The following CSMD1 variants were observed in gnomAD, a reference collection of about 807,000 sequenced individuals.
The protein encoded by CSMD1 is CUB and Sushi multiple domains 1, also known as CUB and sushi domain-containing protein 1.
CSMD1 carries 213 observed loss-of-function variants against 417.5 expected under a neutral mutation model. That is an observed-to-expected ratio of 0.51 (90% confidence interval 0.46 to 0.57). The LOEUF (loss-of-function observed/expected upper bound fraction) is 0.57. Among genes scored for constraint, CSMD1 ranks in the 20% least tolerant of loss-of-function variants. CSMD1 has a pLI of 0.00. For missense variants in CSMD1, 6,923 were observed against 4,529.7 expected (o/e 1.53, Z -15.17); for synonymous variants, 2,862 against 1,736.8 (o/e 1.65, Z -16.11).
intron 26 of CSMD1, among the ~76,000 whole-genome samples, chr8:3,233,830 C>A (rs890669414): frequency 1.3e-5 from 2 of 151,388 alleles, no homozygotes; most frequent in Admixed American, 1.3e-4. Flanking sequence ...CATTAGATTA[C>A]AGGATCTGCC....
chr8:3,864,404 G>C (rs953389790), intron 5 of CSMD1, among the ~76,000 whole-genome samples: 2 of 152,128 alleles, frequency 1.3e-5, no homozygotes, highest in African/African-American at 4.8e-5. Flanking sequence ...CAAAGATGAA[G>C]GTGAGAAAAA....
chr8:4,956,295 A>C (rs1809106532), intron 1 of CSMD1, among the ~76,000 whole-genome samples: 1 of 151,916 alleles, frequency 6.6e-6, no homozygotes, highest in Admixed American at 6.6e-5. Flanking sequence ...TCATAATTTT[A>C]AAACATTTAA....
Position 3,376,117 on chromosome 8 carries a change from T to C in CSMD1, c.2783-6747A>G, listed in dbSNP as rs555258633. Among the ~76,000 whole-genome samples the C allele has an allele frequency of 2.1e-4, 32 of 152,280 alleles. 1 individual carries two copies. The highest frequency in any genetic ancestry group is 2.0e-4 in the Admixed American group (3 of 15,284). On this transcript the variant is annotated intron_variant, in intron 18 of 69. Transcript: ENST00000635120. ...TGATAGATTTTAAACTTCTGTGTGA[T>C]TGCAAATACAGCAGGTTCTCAATAA...
At chr8:4,557,300 A>C (rs1302156694) in intron 2 of CSMD1, among the ~76,000 whole-genome samples, 1 of 152,194 alleles carries the variant, frequency 6.6e-6, no homozygotes, top group African/African-American at 2.4e-5. Context: ...TTTCTATCAA[A>C]GAAAATCACT....
chr8:3,732,456 T>A (rs1564551), intron 6 of CSMD1, among the ~76,000 whole-genome samples: 2 of 151,882 alleles, frequency 1.3e-5, no homozygotes, highest in Non-Finnish European at 2.9e-5. Flanking sequence ...TCCTTAGGAA[T>A]AGTAATTTAA....
chr8:4,375,504 G>A lies in CSMD1; in HGVS notation c.415+44449C>T, dbSNP rs772797456. 5.3e-5 allele frequency among the ~76,000 whole-genome samples: 8 copies of A among 152,260 alleles called. No homozygotes were observed. The East Asian group carries it at 1.4e-3, about 26-fold the overall frequency. On this transcript the variant is annotated intron_variant, in intron 3 of 69. Coordinates refer to ENST00000635120, the MANE Select transcript of CSMD1 (RefSeq NM_033225.6). The stretch of plus-strand genomic sequence containing the variant: ...CTTATGGAGTCTCCTTGATGGGCAA[G>A]TGACATCAGAAGAATTTTTTTTTCC...
chr8:3,224,352 C>A (rs1798377904), intron 27 of CSMD1, among the ~76,000 whole-genome samples: 1 of 152,188 alleles, frequency 6.6e-6, no homozygotes, highest in South Asian at 2.1e-4. Flanking sequence ...GTACAGGGAT[C>A]ATCTAGCTCC....
At chr8:4,080,956 G>C (rs1800097643) in intron 3 of CSMD1, among the ~76,000 whole-genome samples, 1 of 152,106 alleles carries the variant, frequency 6.6e-6, no homozygotes, top group Non-Finnish European at 1.5e-5. Flanking sequence ...CTACCCTCCT[G>C]AATCAAATTA....
At chr8:4,727,235 C>G (rs144439488) in intron 1 of CSMD1, among the ~76,000 whole-genome samples, 2 of 152,134 alleles carry the variant, frequency 1.3e-5, no homozygotes, top group Non-Finnish European at 2.9e-5. Flanking sequence ...GCAGGGCACC[C>G]AAGCATTTCT....
intron 3 of CSMD1, among the ~76,000 whole-genome samples, chr8:4,351,820 C>T (rs978323087): frequency 1.3e-5 from 2 of 152,104 alleles, no homozygotes; most frequent in Non-Finnish European, 2.9e-5. Context: ...AGGAGCAGAG[C>T]AACACACCAG....
At chr8:4,076,954 C>T (rs1185739202) in intron 3 of CSMD1, among the ~76,000 whole-genome samples, 3 of 152,146 alleles carry the variant, frequency 2.0e-5, no homozygotes, top group African/African-American at 7.2e-5. Flanking sequence ...ACAAGGATAA[C>T]ACTTTCCTCT....
At chr8:4,320,785 C>T (rs1326362948) in intron 3 of CSMD1, among the ~76,000 whole-genome samples, 4 of 152,108 alleles carry the variant, frequency 2.6e-5, no homozygotes, top group Admixed American at 6.6e-5. Flanking sequence ...GGTGATTCCT[C>T]AAGGATCTAG....
intron 5 of CSMD1, among the ~76,000 whole-genome samples, chr8:3,989,236 G>A (rs1814561099): frequency 6.6e-6 from 1 of 152,264 alleles, no homozygotes; most frequent in Non-Finnish European, 1.5e-5. Context: ...ACAGTGATCT[G>A]GGACTTCCAG....
At chr8:4,346,559 A>G (rs986688175) in intron 3 of CSMD1, among the ~76,000 whole-genome samples, 1 of 152,122 alleles carries the variant, frequency 6.6e-6, no homozygotes, top group Non-Finnish European at 1.5e-5. Context: ...TTTGGGCTTG[A>G]GCGTGCTTTT....
chr8:3,617,411 C>T (rs942893977), intron 7 of CSMD1, among the ~76,000 whole-genome samples: 1 of 152,162 alleles, frequency 6.6e-6, no homozygotes, highest in Non-Finnish European at 1.5e-5. Context: ...GATAGAGTAG[C>T]TCTCACTTCA....
chr8:4,052,657 G>A (rs1357322486), intron 3 of CSMD1, among the ~76,000 whole-genome samples: 1 of 152,086 alleles, frequency 6.6e-6, no homozygotes, highest in East Asian at 1.9e-4. Context: ...AAAGAATTCT[G>A]ATAGAAGGAA....
intron 18 of CSMD1, among the ~76,000 whole-genome samples, chr8:3,386,621 A>G: frequency 6.6e-6 from 1 of 152,188 alleles, no homozygotes; most frequent in East Asian, 1.9e-4. Context: ...ATCATGTTTG[A>G]AAGGAAATAC....
chr8:3,765,073 T>C (rs1424899977), intron 5 of CSMD1, among the ~76,000 whole-genome samples: 3 of 152,176 alleles, frequency 2.0e-5, no homozygotes, highest in African/African-American at 7.2e-5. Flanking sequence ...AAAATATTTT[T>C]CATAGCTTTC....
intron 26 of CSMD1, among the ~76,000 whole-genome samples, chr8:3,249,179 C>T (rs1182627714): frequency 2.0e-5 from 3 of 152,054 alleles, no homozygotes; most frequent in South Asian, 4.1e-4. Context: ...ATGTAACAAA[C>T]GATATGAAGA....
Sources: allele counts gnomAD v4.1 joint callset (sites outside exome capture counted in the v4.1 genomes callset), GRCh38; gene constraint gnomAD v4.1.1; transcripts MANE v1.5; gene names NCBI Gene and HGNC (gene_info 2026-07-23, HGNC 2026-07-21).